CAMTA1: variants seen among roughly 807,000 people sequenced by gnomAD.
CAMTA1 encodes the protein calmodulin-binding transcription activator 1.
CAMTA1 carries 27 observed loss-of-function variants against 170.9 expected under a neutral mutation model. The ratio of observed to expected loss-of-function variants is 0.16; its 90% CI spans 0.12 to 0.22. The LOEUF (loss-of-function observed/expected upper bound fraction) is 0.22. Ranked by LOEUF, CAMTA1 falls within the 10% of genes least tolerant of loss-of-function variation. The probability of loss-of-function intolerance (pLI) is 1.00; values close to 1 mark genes in which losing one functional copy is unlikely to be tolerated. For synonymous variants in CAMTA1, 833 were observed against 891.5 expected (o/e 0.93, Z 1.17); for missense variants, 1,619 against 2,217.2 (o/e 0.73, Z 5.42).
intron 4 of CAMTA1, among the ~76,000 whole-genome samples, chr1:7,232,846 G>A (rs549606591): frequency 6.6e-5 from 10 of 152,084 alleles, no homozygotes; most frequent in Admixed American, 5.9e-4. Context: ...TTGGCCTTTC[G>A]CGTGCAGCCT....
intron 5 of CAMTA1, among the ~76,000 whole-genome samples, chr1:7,441,914 C>T (rs1056470708): frequency 6.6e-6 from 1 of 152,228 alleles, no homozygotes; most frequent in Non-Finnish European, 1.5e-5. Flanking sequence ...TAGGCGCAGA[C>T]TCTGGGTGGA....
At chr1:6,796,405 T>C (rs977939628) in intron 1 of CAMTA1, among the ~76,000 whole-genome samples, 1 of 152,230 alleles carries the variant, frequency 6.6e-6, no homozygotes, top group African/African-American at 2.4e-5. Context: ...CCCAGAGTGC[T>C]GGGATTACAG....
At chr1:7,451,625 C>G (rs1171992155) in intron 5 of CAMTA1, among the ~76,000 whole-genome samples, 2 of 152,094 alleles carry the variant, frequency 1.3e-5, no homozygotes, top group African/African-American at 2.4e-5. Flanking sequence ...TCCCTGAGAA[C>G]CCTTAGAATG....
At position 7,498,317 on chromosome 1, in the gene CAMTA1, T is replaced by A. The variant is rs571911337; in HGVS notation, c.510+30416T>A. 6.2e-4 allele frequency among the ~76,000 whole-genome samples: 93 copies of A among 151,124 alleles called. 1 individual carries two copies. Among genetic ancestry groups the A allele is most frequent in the Admixed American group, 6.1e-3 (92 of 15,168 alleles). On this transcript the variant is annotated intron_variant, in intron 6 of 22. Coordinates refer to ENST00000303635, the MANE Select transcript of CAMTA1 (RefSeq NM_015215.4). ...GCGTGACAGTGAGTGTGGATGTGTG[T>A]GTAAGAGTGAGTGTGGATGTGTATG...
rs138092557 is a variant in CAMTA1, at chr1:7,352,087, C to T, written c.438+102461C>T. The stretch of plus-strand genomic sequence containing the variant: ...GCCGTTGAGATAAGTGGCACTGGCT[C>T]CCCCGCCATGGCTGGGCCAGGATTC... On this transcript the variant is annotated intron_variant, in intron 5 of 22. Transcript: ENST00000303635. 5.7e-4 allele frequency among the ~76,000 whole-genome samples: 84 copies of T among 147,904 alleles called. 1 individual carries two copies. The highest frequency in any genetic ancestry group is 2.0e-3 in the African/African-American group (77 of 37,638).
At chr1:7,165,926 T>A (rs1648308215) in intron 4 of CAMTA1, among the ~76,000 whole-genome samples, 2 of 152,158 alleles carry the variant, frequency 1.3e-5, no homozygotes, top group African/African-American at 4.8e-5. Flanking sequence ...ATGTAATAGG[T>A]ATTATGTATC....
At chr1:7,310,720 T>C (rs78507844) in intron 5 of CAMTA1, among the ~76,000 whole-genome samples, 9,260 of 79,108 alleles carry the variant, frequency 0.12, 1,805 homozygotes, top group African/African-American at 0.37. Context: ...CTTTCTTTCT[T>C]TCTTTCTTTC....
intron 3 of CAMTA1, among the ~76,000 whole-genome samples, chr1:6,933,262 T>C (rs1206537358): frequency 6.6e-6 from 1 of 152,080 alleles, no homozygotes; most frequent in African/African-American, 2.4e-5. Flanking sequence ...GTCACAAATA[T>C]TTTCTCCTGT....
At position 7,655,256 on chromosome 1, in the gene CAMTA1, ACACAGACC is replaced by A. The variant is rs1337920741; in HGVS notation, c.665-6466_665-6459del. ...CACACCTATACACACACACCTATAC[ACACAGACC>A]CACCTATACACACCGTTATACACAC... On this transcript the variant is annotated intron_variant, in intron 7 of 22. Transcript: ENST00000303635. Among the ~76,000 whole-genome samples, 80 of 147,710 alleles carry A rather than the reference ACACAGACC, an allele frequency of 5.4e-4. No homozygotes were observed. In the South Asian group the frequency reaches 8.9e-3, roughly 17 times the overall value.
chr1:6,961,215 G>A (rs1690340181), intron 3 of CAMTA1, among the ~76,000 whole-genome samples: 1 of 152,216 alleles, frequency 6.6e-6, no homozygotes, highest in Admixed American at 6.5e-5. Context: ...GTAAGCCGTG[G>A]AAACCAACTC....
At chr1:7,186,620 G>T (rs1275158752) in intron 4 of CAMTA1, among the ~76,000 whole-genome samples, 1 of 152,200 alleles carries the variant, frequency 6.6e-6, no homozygotes. Context: ...CAAGTTGGCA[G>T]TCATTCAAGT....
chr1:7,147,792 TACCATGCACACACACATTCATAC>T (rs1168844197), intron 4 of CAMTA1, among the ~76,000 whole-genome samples: 3 of 119,688 alleles, frequency 2.5e-5, no homozygotes, highest in Non-Finnish European at 3.4e-5. Flanking sequence ...CTCAAACATA[TACCATGCACACACACATTCATAC>T]ACCATGCACA....
At chr1:7,450,191 G>T (rs1014964514) in intron 5 of CAMTA1, among the ~76,000 whole-genome samples, 8 of 152,208 alleles carry the variant, frequency 5.3e-5, no homozygotes, top group Admixed American at 1.3e-4. Context: ...TCCAAGGCTT[G>T]ATACTCCATC....
intron 6 of CAMTA1, among the ~76,000 whole-genome samples, chr1:7,496,406 T>G (rs1158870627): frequency 2.0e-5 from 3 of 152,086 alleles, no homozygotes; most frequent in Non-Finnish European, 4.4e-5. Flanking sequence ...AGCATGAGAC[T>G]GTGGGGAGGG....
intron 3 of CAMTA1, among the ~76,000 whole-genome samples, chr1:6,850,446 A>G (rs1431588836): frequency 6.6e-6 from 1 of 152,234 alleles, no homozygotes; most frequent in Non-Finnish European, 1.5e-5. Flanking sequence ...AATTTTGATA[A>G]AATGACAGGA....
chr1:7,454,171 C>T (rs2092898142), intron 5 of CAMTA1, among the ~76,000 whole-genome samples: 1 of 152,204 alleles, frequency 6.6e-6, no homozygotes, highest in South Asian at 2.1e-4. Flanking sequence ...TTAAAACAGC[C>T]CGGACTCCTT....
intron 4 of CAMTA1, among the ~76,000 whole-genome samples, chr1:7,178,124 G>C (rs1452564469): frequency 5.3e-5 from 8 of 152,176 alleles, no homozygotes; most frequent in Admixed American, 5.2e-4. Context: ...TGAGGAAAAG[G>C]CTTGAACACT....
intron 3 of CAMTA1, among the ~76,000 whole-genome samples, chr1:6,954,387 G>T (rs1372488554): frequency 6.6e-6 from 1 of 152,190 alleles, no homozygotes; most frequent in Admixed American, 6.5e-5. Flanking sequence ...GACGGGGGAA[G>T]CTCCAGCTTA....
intron 3 of CAMTA1, among the ~76,000 whole-genome samples, chr1:7,084,556 G>A (rs974884808): frequency 6.6e-6 from 1 of 152,220 alleles, no homozygotes; most frequent in Non-Finnish European, 1.5e-5. Context: ...ACACTGGAGG[G>A]GACACGGCTC....
Sources: gnomAD v4.1 joint callset for allele counts (sites outside exome capture counted in the v4.1 genomes callset) on GRCh38, gnomAD v4.1.1 for gene constraint, MANE v1.5 for transcripts, NCBI Gene and HGNC (gene_info 2026-07-23, HGNC 2026-07-21) for gene names.